Variants in ADK observed in about 807,000 individuals in gnomAD.
The protein encoded by ADK is N6,N6-dimethyladenosine kinase.
ADK carries 24 observed loss-of-function variants against 44.7 expected under a neutral mutation model. The ratio of observed to expected loss-of-function variants is 0.54; its 90% CI spans 0.39 to 0.76. ADK has a LOEUF of 0.76. Ranked by LOEUF, ADK falls within the 30% of genes least tolerant of loss-of-function variation. The pLI is 0.00. For synonymous variants in ADK, 128 were observed against 142.6 expected (o/e 0.90, Z 0.73); for missense variants, 321 against 425.1 (o/e 0.76, Z 2.15).
intron 10 of ADK, among the ~76,000 whole-genome samples, chr10:74,695,478 G>A (rs936270766): frequency 2.0e-5 from 3 of 151,164 alleles, no homozygotes; most frequent in African/African-American, 7.3e-5. Flanking sequence ...ATATATGTGT[G>A]TGTGTGTGTG....
chr10:74,512,527 T>A (rs1220503175), intron 6 of ADK, among the ~76,000 whole-genome samples: 1 of 151,722 alleles, frequency 6.6e-6, no homozygotes, highest in African/African-American at 2.4e-5. Context: ...TATCCAGGAA[T>A]GTGTCCATTT....
chr10:74,402,752 C>T (rs866774272), intron 6 of ADK, among the ~76,000 whole-genome samples: 5 of 152,180 alleles, frequency 3.3e-5, no homozygotes, highest in Admixed American at 6.5e-5. Flanking sequence ...TCTCTCAACT[C>T]GTCAAAGTCA....
chr10:74,182,717 GTC>G (rs1842606719), intron 1 of ADK, among the ~76,000 whole-genome samples: 1 of 152,110 alleles, frequency 6.6e-6, no homozygotes, highest in African/African-American at 2.4e-5. Context: ...TTATGAATAG[GTC>G]ACCTTTGTTT....
At chr10:74,338,648 A>G (rs1016009953) in intron 4 of ADK, among the ~76,000 whole-genome samples, 2 of 150,096 alleles carry the variant, frequency 1.3e-5, no homozygotes, top group Admixed American at 1.3e-4. Context: ...CACACGAAGT[A>G]AAAAAAAAGC....
At chr10:74,296,017 G>T (rs576692620) in intron 3 of ADK, among the ~76,000 whole-genome samples, 445 of 147,884 alleles carry the variant, frequency 3.0e-3, no homozygotes, top group Non-Finnish European at 4.6e-3. Flanking sequence ...GGCTTTGTTG[G>T]TTCTCTGTAG....
At chr10:74,417,759 A>AG (rs1435672231) in intron 6 of ADK, among the ~76,000 whole-genome samples, 3 of 152,042 alleles carry the variant, frequency 2.0e-5, no homozygotes, top group Non-Finnish European at 4.4e-5. Flanking sequence ...TTAAAAAAAA[A>AG]AAAAGCAAAA....
chr10:74,505,360 G>A (rs1209746698), intron 6 of ADK, among the ~76,000 whole-genome samples: 1 of 151,936 alleles, frequency 6.6e-6, no homozygotes, highest in Admixed American at 6.6e-5. Context: ...TTTGTTTCTG[G>A]CACTACTTAT....
intron 4 of ADK, among the ~76,000 whole-genome samples, chr10:74,360,689 A>G (rs1592099681): frequency 6.6e-6 from 1 of 152,214 alleles, no homozygotes; most frequent in South Asian, 2.1e-4. Flanking sequence ...TCATTATATT[A>G]TGATCTCCTT....
At chr10:74,611,109 C>T (rs1055937931) in intron 9 of ADK, among the ~76,000 whole-genome samples, 4 of 152,102 alleles carry the variant, frequency 2.6e-5, no homozygotes, top group African/African-American at 9.7e-5. Context: ...CTCACTGCAA[C>T]CTCAACCGGG....
At chr10:74,323,340 C>T (rs1415822959) in intron 4 of ADK, among the ~76,000 whole-genome samples, 1 of 152,160 alleles carries the variant, frequency 6.6e-6, no homozygotes, top group East Asian at 1.9e-4. Context: ...TACAGTGGTA[C>T]TGTCAGCTGT....
intron 5 of ADK, among the ~76,000 whole-genome samples, chr10:74,396,214 C>T (rs915199878): frequency 6.6e-6 from 1 of 152,060 alleles, no homozygotes; most frequent in African/African-American, 2.4e-5. Context: ...TGGATAGGTC[C>T]AGTAACCTTT....
intron 7 of ADK, among the ~76,000 whole-genome samples, chr10:74,570,636 T>G (rs1380894534): frequency 6.6e-6 from 1 of 152,232 alleles, no homozygotes; most frequent in African/African-American, 2.4e-5. Context: ...GCATATTGAT[T>G]TTGTATCCTG....
intron 4 of ADK, chr10:74,372,249 A>G: frequency 1.3e-6 from 1 of 762,602 alleles, no homozygotes; most frequent in South Asian, 1.3e-5. Flanking sequence ...GTTAACTGCT[A>G]CTCAGCCTGA....
At chr10:74,353,001 T>C (rs1202434715) in intron 4 of ADK, among the ~76,000 whole-genome samples, 1 of 152,206 alleles carries the variant, frequency 6.6e-6, no homozygotes, top group Non-Finnish European at 1.5e-5. Flanking sequence ...TAGAAGACAG[T>C]GTAGCAATTC....
At chr10:74,590,096 A>C (rs1364291797) in intron 8 of ADK, among the ~76,000 whole-genome samples, 2 of 152,202 alleles carry the variant, frequency 1.3e-5, no homozygotes, top group Non-Finnish European at 2.9e-5. Context: ...AACACTGACT[A>C]ATATGAACCC....
chr10:74,611,511 A>G (rs1198808131), intron 9 of ADK, among the ~76,000 whole-genome samples: 2 of 143,290 alleles, frequency 1.4e-5, no homozygotes, highest in African/African-American at 5.2e-5. Flanking sequence ...TTTTAATTTT[A>G]GAATTGGGGG....
intron 3 of ADK, among the ~76,000 whole-genome samples, chr10:74,228,889 AT>A (rs964028169): frequency 3.3e-5 from 5 of 149,954 alleles, no homozygotes; most frequent in Non-Finnish European, 3.0e-5. Flanking sequence ...GTATCTGAAG[AT>A]TTTTTTTTTG....
intron 7 of ADK, among the ~76,000 whole-genome samples, chr10:74,573,817 G>A (rs560284413): frequency 6.6e-6 from 1 of 152,196 alleles, no homozygotes; most frequent in Non-Finnish European, 1.5e-5. Context: ...AGCCAGGTGC[G>A]GGATATAATC....
At chr10:74,286,575 C>T (rs1419250746) in intron 3 of ADK, among the ~76,000 whole-genome samples, 1 of 152,182 alleles carries the variant, frequency 6.6e-6, no homozygotes, top group Non-Finnish European at 1.5e-5. Flanking sequence ...TTCTGAACTT[C>T]CAGTTTTCAC....
Sources: gnomAD v4.1 joint callset for allele counts (sites outside exome capture counted in the v4.1 genomes callset) on GRCh38, gnomAD v4.1.1 for gene constraint, MANE v1.5 for transcripts, NCBI Gene and HGNC (gene_info 2026-07-23, HGNC 2026-07-21) for gene names.